PCED1B: variants seen among roughly 807,000 people sequenced by gnomAD.
The protein encoded by PCED1B is PC-esterase domain-containing protein 1B.
For missense variants in PCED1B, 573 were observed against 573.9 expected, an observed-to-expected ratio of 1.00 and a Z score of 0.02; for synonymous variants, 251 against 246.1, an observed-to-expected ratio of 1.02 and a Z score of -0.19.
chr12:47,122,654 A>G (rs1036287268), intron 2 of PCED1B, among the ~76,000 whole-genome samples: 8 of 152,154 alleles, frequency 5.3e-5, no homozygotes, highest in Admixed American at 4.6e-4. Flanking sequence ...TTCCTAAGGC[A>G]TTGAGCATCT....
At chr12:47,192,294 A>G (rs1942469592) in intron 2 of PCED1B, among the ~76,000 whole-genome samples, 1 of 152,114 alleles carries the variant, frequency 6.6e-6, no homozygotes, top group African/African-American at 2.4e-5. Context: ...TTGATATGAA[A>G]GTCAATTAAA....
chr12:47,182,072 G>A (rs1369480656), intron 2 of PCED1B, among the ~76,000 whole-genome samples: 1 of 152,300 alleles, frequency 6.6e-6, no homozygotes, highest in African/African-American at 2.4e-5. Flanking sequence ...AGAGGACTGC[G>A]TCCAGTTAGA....
intron 2 of PCED1B, among the ~76,000 whole-genome samples, chr12:47,161,048 C>A (rs1592219998): frequency 3.9e-5 from 6 of 152,186 alleles, no homozygotes; most frequent in Admixed American, 3.3e-4. Context: ...TGCATTGCAA[C>A]ACATGCAACA....
At chr12:47,199,323 A>C (rs1047239275) in intron 2 of PCED1B, among the ~76,000 whole-genome samples, 13 of 152,326 alleles carry the variant, frequency 8.5e-5, no homozygotes, top group African/African-American at 3.1e-4. Context: ...ATTCCTGATA[A>C]CTTGATCTAT....
chr12:47,235,484 G>C lies in PCED1B; in HGVS notation c.421G>C (p.Glu141Gln). ...YGPNSWRSYL[E>Q]NLENLFQCLG... The stretch of plus-strand genomic sequence containing the variant: ...TCCGAACTCCTGGAGAAGCTACCTG[G>C]AGAACCTGGAGAACCTGTTCCAGTG... Residue 141 changes from glutamate to glutamine, a missense_variant, in exon 4 of 4, where the codon GAG becomes CAG. Glu to Gln is a conservative substitution (Grantham distance 29). Transcript: ENST00000546455. 1 of 1,613,340 alleles carries C rather than the reference G, an allele frequency of 6.2e-7. No homozygotes were observed. The highest frequency in any genetic ancestry group is 8.5e-7 in the Non-Finnish European group (1 of 1,179,458).
chr12:47,208,930 T>C (rs1033140555), intron 2 of PCED1B: 1 of 151,798 alleles, frequency 6.6e-6, no homozygotes, highest in Non-Finnish European at 1.5e-5. Flanking sequence ...CTGGTCAACA[T>C]AGTGAGACCC....
rs111911441 is a variant in PCED1B at position 47,194,322 on chromosome 12, G to A, written c.-525-21900G>A. 2.5e-3 allele frequency among the ~76,000 whole-genome samples: 378 copies of A among 152,270 alleles called. 1 individual carries two copies. The highest frequency in any genetic ancestry group is 8.9e-3 in the African/African-American group (370 of 41,532). ...CCTGAATAGCTGGGATTACAGGCGC[G>A]CAGCACCACGCCCAGCTAATTTTTG... On this transcript the variant is annotated intron_variant, in intron 2 of 3. Transcript: ENST00000546455.
chr12:47,142,604 A>T (rs1415762724), intron 2 of PCED1B, among the ~76,000 whole-genome samples: 1 of 152,212 alleles, frequency 6.6e-6, no homozygotes, highest in Non-Finnish European at 1.5e-5. Flanking sequence ...TGAGAAGTGT[A>T]ATAAAGAAAT....
intron 2 of PCED1B, among the ~76,000 whole-genome samples, chr12:47,190,639 T>G (rs1365513590): frequency 6.6e-6 from 1 of 152,230 alleles, no homozygotes; most frequent in Non-Finnish European, 1.5e-5. Flanking sequence ...CACTAACTCA[T>G]GCTTACTGGT....
intron 2 of PCED1B, among the ~76,000 whole-genome samples, chr12:47,207,766 C>A (rs1942955144): frequency 6.6e-6 from 1 of 152,186 alleles, no homozygotes; most frequent in Non-Finnish European, 1.5e-5. Flanking sequence ...TGACTATAAT[C>A]TATTATTCTT....
intron 2 of PCED1B, among the ~76,000 whole-genome samples, chr12:47,124,033 T>C (rs925604992): frequency 1.3e-5 from 2 of 152,070 alleles, no homozygotes; most frequent in African/African-American, 4.8e-5. Flanking sequence ...TGATGTATAA[T>C]TGACATACAA....
chr12:47,118,909 C>T (rs1185557940), intron 2 of PCED1B, among the ~76,000 whole-genome samples: 1 of 152,132 alleles, frequency 6.6e-6, no homozygotes, highest in Non-Finnish European at 1.5e-5. Context: ...TCCTTCACAT[C>T]CCTTGTAAGT....
chr12:47,217,462 G>GAAAGAA (rs1943306072), intron 3 of PCED1B, among the ~76,000 whole-genome samples: 1 of 70,482 alleles, frequency 1.4e-5, no homozygotes, highest in Admixed American at 1.4e-4. Context: ...GAAAGAAAAA[G>GAAAGAA]AAAGAAAGAG....
intron 2 of PCED1B, among the ~76,000 whole-genome samples, chr12:47,201,086 T>C (rs1466879856): frequency 2.6e-5 from 4 of 152,104 alleles, no homozygotes; most frequent in African/African-American, 9.7e-5. Flanking sequence ...CGCTCCAAAT[T>C]CTCTCGGCCC....
chr12:47,194,127 T>A (rs986905727), intron 2 of PCED1B, among the ~76,000 whole-genome samples: 5 of 152,194 alleles, frequency 3.3e-5, no homozygotes, highest in Non-Finnish European at 4.4e-5. Flanking sequence ...CTTCCCTCCA[T>A]GCTCCTGAAA....
chr12:47,222,149 G>A (rs1267979700), intron 3 of PCED1B, among the ~76,000 whole-genome samples: 5 of 149,026 alleles, frequency 3.4e-5, no homozygotes, highest in Non-Finnish European at 7.4e-5. Flanking sequence ...CCCGGGCGTG[G>A]TGGCTCACGC....
intron 1 of PCED1B, among the ~76,000 whole-genome samples, chr12:47,092,653 T>A (rs1489727764): frequency 2.0e-5 from 3 of 152,084 alleles, no homozygotes; most frequent in Non-Finnish European, 4.4e-5. Context: ...TTGCTACGGA[T>A]ATTTTGTAGA....
At chr12:47,217,402 A>T (rs200864252) in intron 3 of PCED1B, among the ~76,000 whole-genome samples, 2 of 65,362 alleles carry the variant, frequency 3.1e-5, no homozygotes, top group African/African-American at 4.0e-4. Context: ...AGAAAGAAAC[A>T]GAGAGAGAGA....
chr12:47,089,035 G>C (rs990299475), intron 1 of PCED1B, among the ~76,000 whole-genome samples: 14 of 152,052 alleles, frequency 9.2e-5, no homozygotes, highest in Non-Finnish European at 1.9e-4. Context: ...TAGGCAATAG[G>C]GTCTTCAGAC....
Sources: allele counts gnomAD v4.1 joint callset (sites outside exome capture counted in the v4.1 genomes callset), GRCh38; gene constraint gnomAD v4.1.1; transcripts MANE v1.5; gene names NCBI Gene and HGNC (gene_info 2026-07-23, HGNC 2026-07-21).